RANBP2: variants seen among roughly 807,000 people sequenced by gnomAD.
The protein encoded by RANBP2 is RAN binding protein 2.
A neutral mutation model predicts 303.6 loss-of-function variants in RANBP2; 57 were observed. The ratio of observed to expected loss-of-function variants is 0.19; its 90% CI spans 0.15 to 0.23. The LOEUF is 0.23. Among genes scored for constraint, RANBP2 ranks in the 10% least tolerant of loss-of-function variants. The probability of loss-of-function intolerance (pLI) is 1.00; values close to 1 mark genes in which losing one functional copy is unlikely to be tolerated. For synonymous variants in RANBP2, 1,167 were observed against 1,301.5 expected (o/e 0.90, Z 2.23); for missense variants, 3,138 against 3,780.8 (o/e 0.83, Z 4.46).
At chr2:109,122,978 A>G in the RANBP2 span, among the ~76,000 whole-genome samples, 3 of 152,210 alleles carry the variant, frequency 2.0e-5, no homozygotes, top group Admixed American at 2.0e-4. Flanking sequence ...TGTCTTAGGC[A>G]GCCTCGGTAA....
the RANBP2 span, among the ~76,000 whole-genome samples, chr2:109,082,975 G>A: frequency 6.6e-6 from 1 of 151,932 alleles, no homozygotes; most frequent in Non-Finnish European, 1.5e-5. Context: ...ACAGGCATCT[G>A]CCACCATACC....
chr2:109,173,690 G>T, the RANBP2 span, among the ~76,000 whole-genome samples: 4 of 152,294 alleles, frequency 2.6e-5, no homozygotes, highest in South Asian at 8.3e-4. Context: ...GGCAAAGACA[G>T]TGAATGTAAG....
chr2:109,384,670 G>A, the RANBP2 span, among the ~76,000 whole-genome samples: 60 of 152,128 alleles, frequency 3.9e-4, 1 homozygote, highest in Non-Finnish European at 5.9e-5. Context: ...TCCTGACCAC[G>A]TCCTTGTCAT....
chr2:109,415,543 C>A, the RANBP2 span, among the ~76,000 whole-genome samples: 1 of 152,136 alleles, frequency 6.6e-6, no homozygotes, highest in African/African-American at 2.4e-5. Context: ...TGCCCTCTGC[C>A]GGTGCAGGCT....
At chr2:109,545,284 T>C in the RANBP2 span, 1 of 1,422,432 alleles carries the variant, frequency 7.0e-7, no homozygotes, top group Non-Finnish European at 9.2e-7. Context: ...GATACTTAAG[T>C]GGGAGAAATA....
chr2:108,983,554 A>G, the RANBP2 span, among the ~76,000 whole-genome samples: 2 of 152,064 alleles, frequency 1.3e-5, no homozygotes, highest in African/African-American at 4.8e-5. Flanking sequence ...CAAGTCAACA[A>G]TCCCGCCCTT....
the RANBP2 span, among the ~76,000 whole-genome samples, chr2:109,347,047 T>C: frequency 6.6e-6 from 1 of 152,186 alleles, no homozygotes; most frequent in African/African-American, 2.4e-5. Flanking sequence ...ATGAGTCCTC[T>C]GAGTGGAACG....
chr2:109,376,127 T>A, the RANBP2 span, among the ~76,000 whole-genome samples: 1 of 152,144 alleles, frequency 6.6e-6, no homozygotes, highest in East Asian at 1.9e-4. Context: ...GTTTGTGGAG[T>A]GAAAGCTGCT....
the RANBP2 span, among the ~76,000 whole-genome samples, chr2:109,555,330 T>C: frequency 3.3e-5 from 5 of 152,202 alleles, no homozygotes; most frequent in Admixed American, 3.3e-4. Flanking sequence ...AACCTGTTCA[T>C]TGTTCCCAGA....
chr2:109,340,664 C>T, the RANBP2 span, among the ~76,000 whole-genome samples: 7 of 152,144 alleles, frequency 4.6e-5, no homozygotes, highest in African/African-American at 1.7e-4. Flanking sequence ...AGTCAATGAT[C>T]ATTGTTTTTA....
chr2:109,316,959 A>G, the RANBP2 span, among the ~76,000 whole-genome samples: 27 of 152,052 alleles, frequency 1.8e-4, no homozygotes, highest in African/African-American at 6.5e-4. Context: ...AGGTTCCTCC[A>G]TGTCTTTTCA....
At chr2:109,567,955 CA>C in the RANBP2 span, 6 of 1,611,638 alleles carry the variant, frequency 3.7e-6, no homozygotes, top group Non-Finnish European at 5.1e-6. Flanking sequence ...TCTGCTTTGG[CA>C]ATCACTGGTA....
chr2:109,024,924 C>T, the RANBP2 span, among the ~76,000 whole-genome samples: 1 of 152,072 alleles, frequency 6.6e-6, no homozygotes, highest in East Asian at 1.9e-4. Context: ...GGATTAATTA[C>T]ATTCACAATG....
At chr2:108,811,243 C>CTGTT in the RANBP2 span, among the ~76,000 whole-genome samples, 1 of 28,700 alleles carries the variant, frequency 3.5e-5, no homozygotes, top group Non-Finnish European at 6.5e-5. Context: ...TTCTTTCTCT[C>CTGTT]TCTCTTTTTT....
chr2:108,912,948 CTTTT>C, the RANBP2 span, among the ~76,000 whole-genome samples: 3 of 139,168 alleles, frequency 2.2e-5, no homozygotes, highest in Admixed American at 7.2e-5. Flanking sequence ...CGTTATTGTT[CTTTT>C]TTTTTTTTTT....
chr2:108,887,207 T>A, the RANBP2 span, among the ~76,000 whole-genome samples: 2 of 152,208 alleles, frequency 1.3e-5, no homozygotes, highest in Non-Finnish European at 2.9e-5. Context: ...TGTGTCTTAT[T>A]TCTGGTTTCT....
chr2:109,472,634 G>C, the RANBP2 span, among the ~76,000 whole-genome samples: 4 of 152,170 alleles, frequency 2.6e-5, no homozygotes, highest in Non-Finnish European at 5.9e-5. Flanking sequence ...TTCAGGAAGT[G>C]AGCTTGCCAT....
chr2:108,779,834 T>C (rs1233886138), intron 25 of RANBP2, among the ~76,000 whole-genome samples: 1 of 152,154 alleles, frequency 6.6e-6, no homozygotes, highest in Non-Finnish European at 1.5e-5. Flanking sequence ...TCAGTGAGAT[T>C]CTCCCAAGGC....
rs1251433807 is a variant in RANBP2, at chr2:108,737,916, G to T, written c.782+1667G>T. 2.6e-5 allele frequency among the ~76,000 whole-genome samples: 4 copies of T among 151,544 alleles called. No individual in the cohort carries two copies. The East Asian group carries it at 5.9e-4, about 22-fold the overall frequency. On this transcript the variant is annotated intron_variant, in intron 6 of 28. Coordinates refer to ENST00000283195, the MANE Select transcript of RANBP2 (RefSeq NM_006267.5). Reference sequence around the variant, plus strand: ...TTTTTAGTAGAGACGGGGTTTCACCGTGTTAGCCAGGATGGTCTCGATCTC... The same window carrying T: ...TTTTTAGTAGAGACGGGGTTTCACCTTGTTAGCCAGGATGGTCTCGATCTC...
Sources: gnomAD v4.1 joint callset for allele counts (sites outside exome capture counted in the v4.1 genomes callset) on GRCh38, gnomAD v4.1.1 for gene constraint, MANE v1.5 for transcripts, NCBI Gene and HGNC (gene_info 2026-07-23, HGNC 2026-07-21) for gene names.